The following METTL16 variants were observed in gnomAD, a reference collection of about 807,000 sequenced individuals.
The protein encoded by METTL16 is RNA N(6)-adenosine-methyltransferase METTL16.
In METTL16, 19 loss-of-function variants were observed where a neutral mutation model predicts 57.9. The observed-to-expected ratio is 0.33, with a 90% CI of 0.23 to 0.48. The LOEUF (loss-of-function observed/expected upper bound fraction) is 0.48, where lower values mean the gene tolerates loss of function less well. METTL16 is among the 20% of genes least tolerant of loss of function. The pLI is 0.99. For missense variants in METTL16, 434 were observed against 691.5 expected (o/e 0.63, Z 4.18); for synonymous variants, 246 against 255.6 (o/e 0.96, Z 0.36).
chr17:2,452,377 A>C (rs1409904086), intron 6 of METTL16, among the ~76,000 whole-genome samples: 1 of 152,214 alleles, frequency 6.6e-6, no homozygotes, highest in Non-Finnish European at 1.5e-5. Context: ...TTATGGAAAA[A>C]GCAGAAGTCA....
chr17:2,461,190 TA>T (rs1311888169), intron 6 of METTL16, among the ~76,000 whole-genome samples: 7 of 151,526 alleles, frequency 4.6e-5, no homozygotes, highest in African/African-American at 7.3e-5. Flanking sequence ...CCAACACTAC[TA>T]AAAAAAATAC....
intron 2 of METTL16, among the ~76,000 whole-genome samples, chr17:2,496,303 AAC>A (rs1004145181): frequency 6.6e-6 from 1 of 151,392 alleles, no homozygotes; most frequent in African/African-American, 2.4e-5. Context: ...AATTACGTCA[AAC>A]AGTGTTTTTT....
At chr17:2,505,474 C>G (rs1191530675) in intron 1 of METTL16, among the ~76,000 whole-genome samples, 1 of 140,488 alleles carries the variant, frequency 7.1e-6, no homozygotes, top group Non-Finnish European at 1.5e-5. Flanking sequence ...GTATTGAACT[C>G]CTGGCCTCAA....
intron 2 of METTL16, among the ~76,000 whole-genome samples, chr17:2,481,152 G>A (rs1010571928): frequency 6.6e-6 from 1 of 151,136 alleles, no homozygotes; most frequent in Non-Finnish European, 1.5e-5. Flanking sequence ...AGGTTGCAGT[G>A]AGCCTAGATG....
At chr17:2,482,522 G>A (rs568283453) in intron 2 of METTL16, among the ~76,000 whole-genome samples, 3 of 152,332 alleles carry the variant, frequency 2.0e-5, no homozygotes, top group South Asian at 4.1e-4. Flanking sequence ...AACAGGAAAT[G>A]GAGAGGGAGT....
intron 2 of METTL16, among the ~76,000 whole-genome samples, chr17:2,487,255 T>C (rs1335604629): frequency 1.3e-5 from 2 of 152,122 alleles, no homozygotes; most frequent in African/African-American, 4.8e-5. Context: ...AAGAGAAATA[T>C]AAATCTGAGC....
At chr17:2,468,673 G>A (rs1441015657) in intron 4 of METTL16, among the ~76,000 whole-genome samples, 1 of 152,146 alleles carries the variant, frequency 6.6e-6, no homozygotes, top group African/African-American at 2.4e-5. Flanking sequence ...TTGAGACCAA[G>A]AGTTCCAGAT....
chr17:2,425,252 A>G (rs189901163), intron 8 of METTL16, among the ~76,000 whole-genome samples: 39 of 152,358 alleles, frequency 2.6e-4, no homozygotes, highest in Admixed American at 2.3e-3. Context: ...ATATCCTTAT[A>G]ATTGCAAAAC....
chr17:2,483,539 T>A (rs1265753394), intron 2 of METTL16, among the ~76,000 whole-genome samples: 1 of 152,222 alleles, frequency 6.6e-6, no homozygotes, highest in East Asian at 1.9e-4. Context: ...ATTGGATATG[T>A]ATTAATTTTG....
chr17:2,467,891 A>G lies in METTL16; in HGVS notation c.470-15T>C. 1 of 1,554,242 alleles carries G rather than the reference A, an allele frequency of 6.4e-7. No homozygotes were observed. Among genetic ancestry groups the G allele is most frequent in the Non-Finnish European group, 8.9e-7 (1 of 1,125,610 alleles). The stretch of plus-strand genomic sequence containing the variant: ...CACTTTCACCACTAGGAGAAAAAAC[A>G]GGACTGTGAACTAATATTAATGTTG... On this transcript the variant is annotated splice_polypyrimidine_tract_variant and intron_variant, in intron 4 of 9. Coordinates refer to ENST00000263092, the MANE Select transcript of METTL16 (RefSeq NM_024086.4).
intron 8 of METTL16, among the ~76,000 whole-genome samples, chr17:2,425,068 T>C (rs986957374): frequency 6.6e-6 from 1 of 152,204 alleles, no homozygotes; most frequent in Non-Finnish European, 1.5e-5. Context: ...TTATTTATCA[T>C]GAAAAGTCCT....
At chr17:2,422,098 G>A (rs2066770756) in intron 8 of METTL16, among the ~76,000 whole-genome samples, 1 of 152,082 alleles carries the variant, frequency 6.6e-6, no homozygotes, top group Admixed American at 6.6e-5. Context: ...GATCACTTGA[G>A]GTCAGGAGTT....
rs370367680 is a variant in METTL16, at chr17:2,426,127, C to T, written c.889-5223G>A. On this transcript the variant is annotated intron_variant, in intron 8 of 9. Coordinates refer to ENST00000263092, the MANE Select transcript of METTL16 (RefSeq NM_024086.4). Reference sequence around the variant, plus strand: ...AGCCATTCTACAGAGAAATCTGGTGCGCACGAAGCCACAACCTCTTTGTTT... The same window carrying T: ...AGCCATTCTACAGAGAAATCTGGTGTGCACGAAGCCACAACCTCTTTGTTT... Among the ~76,000 whole-genome samples the T allele has an allele frequency of 9.9e-5, 15 of 151,584 alleles. No individual in the cohort carries two copies. In the East Asian group the frequency reaches 1.2e-3, roughly 12 times the overall value.
intron 2 of METTL16, 108 bp downstream of exon 2, chr17:2,502,096 T>C: frequency 5.1e-6 from 6 of 1,168,542 alleles, no homozygotes; most frequent in South Asian, 1.5e-5. Flanking sequence ...CAAGGTCGCA[T>C]GGGACGTTTA....
At chr17:2,443,828 G>C (rs537744160) in intron 6 of METTL16, among the ~76,000 whole-genome samples, 123 of 152,246 alleles carry the variant, frequency 8.1e-4, no homozygotes, top group Non-Finnish European at 8.8e-4. Context: ...GAAAGGTATA[G>C]ACCAGGTATC....
chr17:2,502,142 C>A, intron 2 of METTL16, 62 bp downstream of exon 2: 1 of 1,557,132 alleles, frequency 6.4e-7, no homozygotes, highest in Non-Finnish European at 8.7e-7. Flanking sequence ...GGTGGGCTTT[C>A]TATTACATCA....
intron 6 of METTL16, among the ~76,000 whole-genome samples, chr17:2,463,311 G>T (rs1337265372): frequency 6.6e-6 from 1 of 152,148 alleles, no homozygotes; most frequent in East Asian, 1.9e-4. Flanking sequence ...ATCCTAATGG[G>T]AGCAATACAA....
chr17:2,439,508 C>G (rs1348797472), intron 7 of METTL16, among the ~76,000 whole-genome samples: 1 of 152,076 alleles, frequency 6.6e-6, no homozygotes, highest in Non-Finnish European at 1.5e-5. Context: ...GGACCGAGAC[C>G]GTGTGCTGGT....
intron 2 of METTL16, among the ~76,000 whole-genome samples, chr17:2,482,815 G>T (rs1464522028): frequency 2.0e-5 from 3 of 152,182 alleles, no homozygotes; most frequent in African/African-American, 7.2e-5. Context: ...TACGCAGGAG[G>T]CAGGAGGATC....
Sources: gnomAD v4.1 joint callset for allele counts (sites outside exome capture counted in the v4.1 genomes callset) on GRCh38, gnomAD v4.1.1 for gene constraint, MANE v1.5 for transcripts, NCBI Gene and HGNC (gene_info 2026-07-23, HGNC 2026-07-21) for gene names.